CTIF: variants seen among roughly 807,000 people sequenced by gnomAD.
CTIF encodes the protein CBP80/20-dependent translation initiation factor.
A neutral mutation model predicts 66.0 loss-of-function variants in CTIF; 21 were observed. The ratio of observed to expected loss-of-function variants is 0.32; its 90% confidence interval spans 0.23 to 0.46. The LOEUF is 0.46. Ranked by LOEUF, CTIF falls within the 20% of genes least tolerant of loss-of-function variation. The pLI is 1.00. For synonymous variants in CTIF, 345 were observed against 326.4 expected, an observed-to-expected ratio of 1.06 and a Z score of -0.62; for missense variants, 739 against 812.7, an observed-to-expected ratio of 0.91 and a Z score of 1.10.
chr18:48,798,383 G>A (rs1264295386), intron 9 of CTIF, among the ~76,000 whole-genome samples: 2 of 152,154 alleles, frequency 1.3e-5, no homozygotes, highest in Admixed American at 1.3e-4. Flanking sequence ...TCTTCGGTTT[G>A]GGGTTCATCA....
At chr18:48,728,609 G>A (rs188080318) in intron 7 of CTIF, among the ~76,000 whole-genome samples, 57 of 152,220 alleles carry the variant, frequency 3.7e-4, no homozygotes, top group South Asian at 2.5e-3. Flanking sequence ...CCCAGCTCAC[G>A]GATGTGGTTG....
At chr18:48,710,261 G>A (rs894604217) in intron 6 of CTIF, among the ~76,000 whole-genome samples, 1 of 152,252 alleles carries the variant, frequency 6.6e-6, no homozygotes, top group African/African-American at 2.4e-5. Flanking sequence ...CTGTAAGGTG[G>A]GGAGTGGGCC....
At chr18:48,697,432 G>A (rs995261493) in intron 6 of CTIF, among the ~76,000 whole-genome samples, 2 of 152,210 alleles carry the variant, frequency 1.3e-5, no homozygotes, top group African/African-American at 4.8e-5. Flanking sequence ...AGCTTTGCAT[G>A]GCAGGGGCAT....
intron 3 of CTIF, among the ~76,000 whole-genome samples, chr18:48,645,347 T>C (rs1454564440): frequency 7.6e-6 from 1 of 131,676 alleles, no homozygotes; most frequent in Non-Finnish European, 1.6e-5. Flanking sequence ...GAGAAAAAGA[T>C]AGGATAGAGA....
chr18:48,713,904 G>A (rs1185368334), intron 7 of CTIF, among the ~76,000 whole-genome samples: 4 of 152,366 alleles, frequency 2.6e-5, no homozygotes, highest in South Asian at 2.1e-4. Flanking sequence ...AACACAGAGC[G>A]TGTGCTCGTC....
intron 9 of CTIF, among the ~76,000 whole-genome samples, chr18:48,787,712 C>G (rs1911840959): frequency 6.6e-6 from 1 of 152,222 alleles, no homozygotes; most frequent in Non-Finnish European, 1.5e-5. Flanking sequence ...CTGCCTCTGT[C>G]TGCCTGTGCA....
chr18:48,756,809 G>A (rs1908409322), intron 7 of CTIF, among the ~76,000 whole-genome samples: 1 of 152,210 alleles, frequency 6.6e-6, no homozygotes, highest in Admixed American at 6.5e-5. Context: ...AAAGTTTGGG[G>A]TTTGTTCCTG....
intron 1 of CTIF, among the ~76,000 whole-genome samples, chr18:48,570,139 G>C (rs1291317546): frequency 6.6e-6 from 1 of 152,188 alleles, no homozygotes; most frequent in Non-Finnish European, 1.5e-5. Flanking sequence ...CTTGTAAAAA[G>C]AGGTAGACAA....
intron 1 of CTIF, among the ~76,000 whole-genome samples, chr18:48,582,425 A>G (rs16949551): frequency 0.024 from 3,665 of 152,100 alleles, 154 homozygotes; most frequent in African/African-American, 0.083. Context: ...GTGCCTGGGA[A>G]TGGGGTTGAT....
chr18:48,639,149 A>AAGGGAAGGC (rs1412965729), intron 3 of CTIF, among the ~76,000 whole-genome samples: 1 of 152,182 alleles, frequency 6.6e-6, no homozygotes, highest in East Asian at 1.9e-4. Context: ...GCTGGGACGG[A>AAGGGAAGGC]AGGGAAGGCT....
At chr18:48,599,029 T>G (rs186335008) in intron 1 of CTIF, among the ~76,000 whole-genome samples, 4 of 152,080 alleles carry the variant, frequency 2.6e-5, no homozygotes, top group African/African-American at 9.7e-5. Flanking sequence ...ACTTTAGACC[T>G]CTCTGCGTGG....
At position 48,764,015 on chromosome 18, in the gene CTIF, C is replaced by T. The variant is rs571549948; in HGVS notation, c.1371+2326C>T. On this transcript the variant is annotated intron_variant, in intron 9 of 11. Coordinates refer to ENST00000256413, the MANE Select transcript of CTIF (RefSeq NM_014772.3). ...GAGAACTGGCACTCCACATCCTGCTCCCCACCCCCCATCAGCCAGGCTGAA... is the reference window on the plus strand; with the variant it reads ...GAGAACTGGCACTCCACATCCTGCTTCCCACCCCCCATCAGCCAGGCTGAA... 3.3e-5 allele frequency among the ~76,000 whole-genome samples: 5 copies of T among 152,216 alleles called. No homozygotes were observed. In the East Asian group the frequency reaches 9.7e-4, roughly 29 times the overall value.
Position 48,814,898 on chromosome 18 carries a change from G to A in CTIF, c.1372-2323G>A, listed in dbSNP as rs142477124. Among the ~76,000 whole-genome samples the A allele has an allele frequency of 1.6e-3, 251 of 152,168 alleles. 1 individual carries two copies. The highest frequency in any genetic ancestry group is 5.9e-3 in the African/African-American group (247 of 41,556). On this transcript the variant is annotated intron_variant, in intron 9 of 11. Transcript: ENST00000256413. ...AGCAGAACTCTACAATCATACCCAG[G>A]TGGACAATTCAGTGAGAAAGGAGTG...
At chr18:48,777,400 C>T (rs1257763846) in intron 9 of CTIF, among the ~76,000 whole-genome samples, 1 of 152,134 alleles carries the variant, frequency 6.6e-6, no homozygotes, top group Non-Finnish European at 1.5e-5. Flanking sequence ...TTTCAGACCC[C>T]TTGGGGTCCC....
At chr18:48,802,813 C>G (rs2068073762) in intron 9 of CTIF, among the ~76,000 whole-genome samples, 1 of 152,230 alleles carries the variant, frequency 6.6e-6, no homozygotes, top group Non-Finnish European at 1.5e-5. Flanking sequence ...CTAACGTCCT[C>G]CCTGAGGCTG....
chr18:48,855,851 G>C (rs2069315933), intron 10 of CTIF, among the ~76,000 whole-genome samples: 2 of 152,206 alleles, frequency 1.3e-5, no homozygotes, highest in Non-Finnish European at 2.9e-5. Context: ...AGAGCAAAAT[G>C]ACTGAGGTTT....
chr18:48,814,823 G>C (rs936275293), intron 9 of CTIF, among the ~76,000 whole-genome samples: 5 of 152,170 alleles, frequency 3.3e-5, no homozygotes, highest in Admixed American at 3.3e-4. Context: ...CTACTTGCGG[G>C]GTCCCTGGAG....
rs185684701 is a variant in CTIF at position 48,816,801 on chromosome 18, C to T, written c.1372-420C>T. On this transcript the variant is annotated intron_variant, in intron 9 of 11. Transcript: ENST00000256413. ...TGTGGGTGGGCAGTGTTCTGGTTAC[C>T]CCCAGTCCACCACGCAGAGGGCATG... 3.9e-3 allele frequency among the ~76,000 whole-genome samples: 600 copies of T among 152,310 alleles called. 3 individuals carry two copies. Among genetic ancestry groups the T allele is most frequent in the Non-Finnish European group, 6.6e-3 (452 of 68,024 alleles).
intron 7 of CTIF, among the ~76,000 whole-genome samples, chr18:48,731,000 A>G (rs1025697608): frequency 1.3e-5 from 2 of 152,024 alleles, no homozygotes; most frequent in Admixed American, 6.5e-5. Context: ...CAGTTGGGGG[A>G]GAAGAGAAAA....
Sources: allele counts gnomAD v4.1 joint callset (sites outside exome capture counted in the v4.1 genomes callset), GRCh38; gene constraint gnomAD v4.1.1; transcripts MANE v1.5; gene names NCBI Gene and HGNC (gene_info 2026-07-23, HGNC 2026-07-21).